Variants in WWP1 observed in about 807,000 individuals in gnomAD.
The protein encoded by WWP1 is WW domain containing E3 ubiquitin protein ligase 1.
A neutral mutation model predicts 130.6 loss-of-function variants in WWP1; 49 were observed. That is an observed-to-expected ratio of 0.38 (90% CI 0.30 to 0.48). WWP1 has a LOEUF of 0.48. Ranked by LOEUF, WWP1 falls within the 20% of genes least tolerant of loss-of-function variation. The probability of loss-of-function intolerance (pLI) is 0.99; values close to 1 mark genes in which losing one functional copy is unlikely to be tolerated. For missense variants in WWP1, 809 were observed against 1,100.6 expected, an observed-to-expected ratio of 0.74 and a Z score of 3.75; for synonymous variants, 332 against 367.8, an observed-to-expected ratio of 0.90 and a Z score of 1.11.
chr8:86,463,943 C>A (rs1335366640), intron 24 of WWP1, among the ~76,000 whole-genome samples: 1 of 151,972 alleles, frequency 6.6e-6, no homozygotes, highest in Admixed American at 6.6e-5. Context: ...CACCTGTAGT[C>A]CCAGCTACTC....
chr8:86,343,841 G>A (rs1435607557), intron 1 of WWP1, among the ~76,000 whole-genome samples: 2 of 152,054 alleles, frequency 1.3e-5, no homozygotes, highest in Non-Finnish European at 2.9e-5. Context: ...ACAAGATTTT[G>A]TGTTTCTGCT....
intron 22 of WWP1, among the ~76,000 whole-genome samples, chr8:86,460,054 C>T (rs1382578291): frequency 6.6e-6 from 1 of 152,232 alleles, no homozygotes; most frequent in Non-Finnish European, 1.5e-5. Flanking sequence ...TCTTAATCTG[C>T]TCCCTATGTT....
intron 1 of WWP1, among the ~76,000 whole-genome samples, chr8:86,358,011 T>C (rs931697515): frequency 1.6e-4 from 25 of 152,166 alleles, no homozygotes; most frequent in African/African-American, 5.1e-4. Flanking sequence ...ACTTTTGGGG[T>C]CTAATGTTTG....
chr8:86,465,165 A>G (rs1811985329), intron 24 of WWP1, among the ~76,000 whole-genome samples: 1 of 152,154 alleles, frequency 6.6e-6, no homozygotes, highest in African/African-American at 2.4e-5. Flanking sequence ...GCAAAATTGG[A>G]TTGCTCACTT....
chr8:86,428,533 CAT>C (rs1312107375), intron 11 of WWP1, among the ~76,000 whole-genome samples: 4 of 152,166 alleles, frequency 2.6e-5, no homozygotes, highest in Non-Finnish European at 5.9e-5. Flanking sequence ...AGGAAAGAGA[CAT>C]AGAAAGAAAA....
At chr8:86,362,168 A>G (rs1215773353) in intron 1 of WWP1, among the ~76,000 whole-genome samples, 7 of 47,114 alleles carry the variant, frequency 1.5e-4, no homozygotes, top group African/African-American at 2.2e-4. Flanking sequence ...CAAGGCATAT[A>G]TATATATATA....
In WWP1 at chr8:86,418,246, CA is replaced by C. The variant is rs369314227; in HGVS notation, c.1061+6376del. On this transcript the variant is annotated intron_variant, in intron 9 of 24. Transcript: ENST00000517970. ...TAGGTGCTGTTAGTATACTGATTTG[CA>C]AAACAGTTGAAGGCCCAAACTTTGT... Among the ~76,000 whole-genome samples the C allele has an allele frequency of 5.4e-3, 824 of 152,236 alleles. 12 individuals carry two copies. Among genetic ancestry groups the C allele is most frequent in the African/African-American group, 0.018 (762 of 41,542 alleles).
At chr8:86,455,764 C>T (rs1004339702) in intron 21 of WWP1, among the ~76,000 whole-genome samples, 1 of 151,884 alleles carries the variant, frequency 6.6e-6, no homozygotes, top group Non-Finnish European at 1.5e-5. Flanking sequence ...TAGAAAGTGA[C>T]AGGCTGATTT....
At chr8:86,439,535 T>G (rs185005041) in intron 17 of WWP1, among the ~76,000 whole-genome samples, 3 of 152,228 alleles carry the variant, frequency 2.0e-5, no homozygotes, top group Non-Finnish European at 4.4e-5. Flanking sequence ...AATATTCTGT[T>G]GTATGGAAAT....
Position 86,380,719 on chromosome 8 carries a change from C to G in WWP1, c.71-7C>G. ...ACATACTCACTAGTGAATTATTTGT[C>G]TGTTAGTTTCTAGTGCCAAACTTAA... On this transcript the variant is annotated splice_polypyrimidine_tract_variant and splice_region_variant and intron_variant, in intron 3 of 24. Coordinates refer to ENST00000517970, the MANE Select transcript of WWP1 (RefSeq NM_007013.4). 6.2e-7 allele frequency: 1 copy of G among 1,603,876 alleles called. No homozygotes were observed. The highest frequency in any genetic ancestry group is 8.5e-7 in the Non-Finnish European group (1 of 1,176,260).
chr8:86,461,955 C>G, intron 24 of WWP1, 109 bp downstream of exon 24: 1 of 838,128 alleles, frequency 1.2e-6, no homozygotes, highest in South Asian at 1.6e-5. Context: ...TTAAAGTAGT[C>G]AGAATTTCAA....
Position 86,442,884 on chromosome 8 carries a change from G to C in WWP1, c.1998+106G>C, listed in dbSNP as rs535274219. The C allele has an allele frequency of 9.2e-5, 112 of 1,223,784 alleles. 1 individual carries two copies. In the African/African-American group the frequency reaches 1.6e-3, roughly 18 times the overall value. 75.8% of individuals were successfully genotyped at this position (1,223,784 alleles called of 1,614,324 possible). Reference sequence around the variant, plus strand: ...TAAGCATTATATTTGCTATTCACAAGTTTTGTTACCAAGAAAGTTTCCCTG... The same window carrying C: ...TAAGCATTATATTTGCTATTCACAACTTTTGTTACCAAGAAAGTTTCCCTG... On this transcript the variant is annotated intron_variant, in intron 18 of 24. Coordinates refer to ENST00000517970, the MANE Select transcript of WWP1 (RefSeq NM_007013.4).
At position 86,458,326 on chromosome 8, in the gene WWP1, C is replaced by CT. The variant is rs547782401; in HGVS notation, c.2499+303dup. Among the ~76,000 whole-genome samples, 272 of 152,246 alleles carry CT rather than the reference C, an allele frequency of 1.8e-3. 1 individual carries two copies. Among genetic ancestry groups the CT allele is most frequent in the African/African-American group, 6.2e-3 (256 of 41,556 alleles). On this transcript the variant is annotated intron_variant, in intron 22 of 24. Transcript: ENST00000517970. ...TGGTATCAAAGTAGTCTAAATTCCACTTAATTCTAGAAGTAAATGAGGAAG... is the reference window on the plus strand; with the variant it reads ...TGGTATCAAAGTAGTCTAAATTCCACTTTAATTCTAGAAGTAAATGAGGAAG...
At chr8:86,416,321 A>T (rs1254344177) in intron 9 of WWP1, among the ~76,000 whole-genome samples, 1 of 152,236 alleles carries the variant, frequency 6.6e-6, no homozygotes, top group Non-Finnish European at 1.5e-5. Context: ...GAGGACATAC[A>T]GAACTGAGGG....
intron 9 of WWP1, among the ~76,000 whole-genome samples, chr8:86,417,566 G>A (rs1256057002): frequency 1.3e-5 from 2 of 152,178 alleles, no homozygotes; most frequent in African/African-American, 2.4e-5. Flanking sequence ...GACTAGCATT[G>A]TGCTTGGAAC....
Position 86,374,100 on chromosome 8 carries a change from G to A in WWP1, c.50G>A (p.Arg17Lys). 6.2e-7 allele frequency: 1 copy of A among 1,608,610 alleles called. No individual in the cohort carries two copies. Among genetic ancestry groups the A allele is most frequent in the Non-Finnish European group, 8.5e-7 (1 of 1,178,080 alleles). The part of the protein sequence containing the change: ...RSDTSNNHSG[R>K]LQLQVTVSSA... ...GATACTAGTAATAACCACAGTGGAA[G>A]GTTGCAGTTACAGGTAACTGGTAAG... The change falls in exon 3 of 25, where the codon AGG becomes AAG. Residue 17 changes from arginine to lysine, a missense_variant. By Grantham distance (26) the Arg-to-Lys change is conservative (BLOSUM62 2). Coordinates refer to ENST00000517970, the MANE Select transcript of WWP1 (RefSeq NM_007013.4).
intron 14 of WWP1, among the ~76,000 whole-genome samples, chr8:86,433,329 T>G (rs774042882): frequency 2.0e-5 from 3 of 151,616 alleles, no homozygotes; most frequent in Non-Finnish European, 4.4e-5. Flanking sequence ...CTCACAAATT[T>G]AGCTCAGACT....
chr8:86,403,645 A>T (rs1318279970), intron 8 of WWP1, among the ~76,000 whole-genome samples: 1 of 152,012 alleles, frequency 6.6e-6, no homozygotes, highest in Non-Finnish European at 1.5e-5. Flanking sequence ...GTTTGGGGAG[A>T]TGTTTACCAA....
intron 1 of WWP1, among the ~76,000 whole-genome samples, 197 bp from the exon 2 acceptor site, chr8:86,368,742 G>A (rs1004430963): frequency 3.9e-5 from 6 of 152,030 alleles, no homozygotes; most frequent in African/African-American, 7.2e-5. Context: ...TGGATGTGCC[G>A]TTCTTTCTGT....
Sources: allele counts gnomAD v4.1 joint callset (sites outside exome capture counted in the v4.1 genomes callset), GRCh38; gene constraint gnomAD v4.1.1; transcripts MANE v1.5; gene names NCBI Gene and HGNC (gene_info 2026-07-23, HGNC 2026-07-21).